The following CTPS1 variants were observed in gnomAD, a reference collection of about 807,000 sequenced individuals.
The protein encoded by CTPS1 is CTP synthase 1.
CTPS1 carries 25 observed loss-of-function variants against 80.5 expected under a neutral mutation model. That is an observed-to-expected ratio of 0.31 (90% CI 0.23 to 0.43). CTPS1 has a LOEUF of 0.43. Ranked by LOEUF, CTPS1 falls within the 20% of genes least tolerant of loss-of-function variation. The pLI is 1.00. For synonymous variants in CTPS1, 267 were observed against 252.5 expected, an observed-to-expected ratio of 1.06 and a Z score of -0.54; for missense variants, 442 against 725.7, an observed-to-expected ratio of 0.61 and a Z score of 4.49.
chr1:41,001,016 G>A lies in CTPS1; in HGVS notation c.1006-13G>A. ...ACGAGCCTGCTTTTCTCCCCTGTCTGAATAACATCCAGTACATAGATTCTG... is the reference window on the plus strand; with the variant it reads ...ACGAGCCTGCTTTTCTCCCCTGTCTAAATAACATCCAGTACATAGATTCTG... On this transcript the variant is annotated splice_polypyrimidine_tract_variant and intron_variant, in intron 9 of 18. Transcript: ENST00000650070. 3.1e-6 allele frequency: 5 copies of A among 1,593,508 alleles called. No homozygotes were observed. The highest frequency in any genetic ancestry group is 3.4e-6 in the Non-Finnish European group (4 of 1,171,378).
chr1:40,987,225 T>A lies in CTPS1; in HGVS notation c.338-147T>A, dbSNP rs950961772. The A allele has an allele frequency of 9.0e-5, 57 of 630,854 alleles. No homozygotes were observed. In the African/African-American group the frequency reaches 9.7e-4, roughly 11 times the overall value. The allele number at this position is 630,854 out of a possible 1,614,324, so 39.1% of individuals were successfully genotyped here. ...AGCTCAGAGATTTGTTGAGGCCAGT[T>A]AAAGGGGGCCTCAAAAGTATTTTTA... On this transcript the variant is annotated intron_variant, in intron 3 of 18. Transcript: ENST00000650070.
chr1:40,983,256 C>T (rs780023479), intron 1 of CTPS1, 22 bp from the exon 2 acceptor site: 3 of 1,599,752 alleles, frequency 1.9e-6, no homozygotes, highest in Non-Finnish European at 2.6e-6. Flanking sequence ...TTTATATCAT[C>T]TGTAATTTTT....
intron 12 of CTPS1, 29 bp from the exon 13 acceptor site, chr1:41,006,021 AT>A (rs1480364846): frequency 1.9e-6 from 3 of 1,580,850 alleles, no homozygotes; most frequent in Non-Finnish European, 2.6e-6. Flanking sequence ...GTTTGTAACT[AT>A]TTTCATAACA....
chr1:40,983,174 C>A, intron 1 of CTPS1, 104 bp from the exon 2 acceptor site: 1 of 925,704 alleles, frequency 1.1e-6, no homozygotes, highest in Non-Finnish European at 1.6e-6. Context: ...ACTGAGGCTT[C>A]AAGAGGGTTC....
chr1:41,010,616 G>A (rs1230776094), intron 18 of CTPS1, among the ~76,000 whole-genome samples: 2 of 152,214 alleles, frequency 1.3e-5, no homozygotes, highest in East Asian at 1.9e-4. Context: ...ATTGTTTGAT[G>A]TAGCTGTAAA....
At chr1:40,999,067 T>G (rs922373454) in intron 9 of CTPS1, among the ~76,000 whole-genome samples, 2 of 152,088 alleles carry the variant, frequency 1.3e-5, no homozygotes, top group African/African-American at 4.8e-5. Context: ...TTGAGTCTCT[T>G]AGGAAGGAAG....
chr1:40,985,069 T>C, intron 3 of CTPS1, 78 bp downstream of exon 3: 1 of 1,004,328 alleles, frequency 1.0e-6, no homozygotes, highest in Admixed American at 3.5e-5. Flanking sequence ...TACACAGATG[T>C]GTAATTCCCT....
chr1:40,985,202 G>T (rs1268102982), intron 3 of CTPS1, among the ~76,000 whole-genome samples: 1 of 152,242 alleles, frequency 6.6e-6, no homozygotes, highest in Non-Finnish European at 1.5e-5. Flanking sequence ...AAAATAATTT[G>T]AAGAACTACT....
intron 12 of CTPS1, among the ~76,000 whole-genome samples, chr1:41,005,298 G>C (rs1350387896): frequency 3.9e-5 from 6 of 151,976 alleles, no homozygotes; most frequent in Non-Finnish European, 5.9e-5. Context: ...TACAAAGTTA[G>C]CTGGGCATGG....
At chr1:40,994,771 A>C (rs1228299199) in intron 7 of CTPS1, among the ~76,000 whole-genome samples, 1 of 152,232 alleles carries the variant, frequency 6.6e-6, no homozygotes, top group Non-Finnish European at 1.5e-5. Flanking sequence ...TTTAAATAGT[A>C]AACATTAATA....
chr1:40,999,611 C>T lies in CTPS1; in HGVS notation c.1006-1418C>T, dbSNP rs147531868. ...CCTTGCTGCCGGGAGTGTAAAATGGCACCACCACACTAGAAAACAGTCTGG... is the reference window on the plus strand; with the variant it reads ...CCTTGCTGCCGGGAGTGTAAAATGGTACCACCACACTAGAAAACAGTCTGG... On this transcript the variant is annotated intron_variant, in intron 9 of 18. Coordinates refer to ENST00000650070, the MANE Select transcript of CTPS1 (RefSeq NM_001905.4). 5.3e-5 allele frequency among the ~76,000 whole-genome samples: 8 copies of T among 152,266 alleles called. No individual in the cohort carries two copies. In the East Asian group the frequency reaches 1.5e-3, roughly 29 times the overall value.
At position 40,995,941 on chromosome 1, in the gene CTPS1, T is replaced by C; in HGVS notation, c.745T>C (p.Ser249Pro). ...EQVICVHDVS[S>P]IYRVPLLLEE... is the part of the protein sequence containing the mutation. ...GGTGATCTGTGTCCACGATGTCTCA[T>C]CCATCTACCGAGTCCCCTTGTTGTT... is the stretch of plus-strand genomic sequence containing the variant. Residue 249 changes from serine (S) to proline (P), a missense_variant, in exon 8 of 19, where the codon TCC becomes CCC. This residue lies in a region of CTPS1 where 321 missense variants were observed against 467.2 expected (regional missense o/e 0.69). Coordinates refer to ENST00000650070, the MANE Select transcript of CTPS1 (RefSeq NM_001905.4). The C allele has an allele frequency of 6.2e-7, 1 of 1,614,212 alleles. No homozygotes were observed. The highest frequency in any genetic ancestry group is 8.5e-7 in the Non-Finnish European group (1 of 1,180,002).
At position 41,007,683 on chromosome 1, in the gene CTPS1, CTT is replaced by C. The variant is rs1491579856; in HGVS notation, c.1393+139_1393+140del. ...GCTTTTGAAGTTCATTCTTTCCTCTCTTATTCATACCCTTTTAGGATGCACTG... is the reference window on the plus strand; with the variant it reads ...GCTTTTGAAGTTCATTCTTTCCTCTCATTCATACCCTTTTAGGATGCACTG... On this transcript the variant is annotated intron_variant, in intron 14 of 18. Coordinates refer to ENST00000650070, the MANE Select transcript of CTPS1 (RefSeq NM_001905.4). This position sits in a 1 kb window ranked among gnomAD's most constrained non-coding sequence, Gnocchi z 4.4. 1.5e-5 allele frequency: 10 copies of C among 671,238 alleles called. No homozygotes were observed. Among genetic ancestry groups the C allele is most frequent in the African/African-American group, 5.4e-5 (3 of 55,650 alleles). 41.6% of individuals were successfully genotyped at this position (671,238 alleles called of 1,614,324 possible). A position where few individuals can be genotyped will look rare whatever the true frequency, so the allele number is the denominator to read the frequency against.
chr1:41,004,452 T>A (rs1642982568), intron 12 of CTPS1, among the ~76,000 whole-genome samples: 1 of 152,180 alleles, frequency 6.6e-6, no homozygotes, highest in Admixed American at 6.5e-5. Flanking sequence ...ACCCCAGAGC[T>A]GGCTTTCTGG....
chr1:40,980,127 C>G (rs1427598978), intron 1 of CTPS1: 1 of 151,318 alleles, frequency 6.6e-6, no homozygotes, highest in East Asian at 1.9e-4. Flanking sequence ...CCTGCGCTGC[C>G]GCGCTGGGCC....
rs986992171 is a variant in CTPS1, at chr1:40,997,313, T to C, written c.873-81T>C. ...TCATCCTGGCCAGACGTGGTTTTTT[T>C]TCCCTTGAAATAGCTATTTTGGTCT... On this transcript the variant is annotated intron_variant, in intron 8 of 18. Coordinates refer to ENST00000650070, the MANE Select transcript of CTPS1 (RefSeq NM_001905.4). 27 of 1,520,828 alleles carry C rather than the reference T, an allele frequency of 1.8e-5. No homozygotes were observed. The East Asian group carries it at 5.8e-4, about 32-fold the overall frequency. The allele number at this position is 1,520,828 out of a possible 1,614,324, so 94.2% of individuals were successfully genotyped here.
Position 40,988,576 on chromosome 1 carries a change from A to T in CTPS1, c.439-18A>T. ...AAGGGTTTAGTGCCTAACCTCTGAA[A>T]CAACTTTGTTCTTCTAGCTTGGTGG... On this transcript the variant is annotated intron_variant, in intron 4 of 18. Transcript: ENST00000650070. 2 of 1,589,488 alleles carry T rather than the reference A, an allele frequency of 1.3e-6. No homozygotes were observed. Among genetic ancestry groups the T allele is most frequent in the Non-Finnish European group, 1.7e-6 (2 of 1,158,050 alleles).
intron 4 of CTPS1, among the ~76,000 whole-genome samples, chr1:40,988,110 C>T (rs748406019): frequency 8.6e-5 from 13 of 151,980 alleles, no homozygotes; most frequent in South Asian, 4.2e-4. Flanking sequence ...GGCAGGGTTT[C>T]GTCATTTTGC....
rs1165966692 is a variant in CTPS1, at chr1:41,008,862, A to G, written c.1518A>G (p.Gly506=). 3.1e-6 allele frequency: 5 copies of G among 1,614,098 alleles called. No individual in the cohort carries two copies. Among genetic ancestry groups the G allele is most frequent in the Non-Finnish European group, 4.2e-6 (5 of 1,179,928 alleles). The part of the protein sequence containing the change: ...GLKFVGQDVE[G]ERMEIVELED... Reference sequence around the variant, plus strand: ...AGTTTGTTGGCCAAGATGTTGAAGGAGAGAGAATGGAAATTGTGGAGTTAG... The same window carrying G: ...AGTTTGTTGGCCAAGATGTTGAAGGGGAGAGAATGGAAATTGTGGAGTTAG... The change falls in exon 16 of 19, where the codon GGA becomes GGG. Residue 506 remains glycine (G), a synonymous_variant. Transcript: ENST00000650070.
Sources: allele counts gnomAD v4.1 joint callset (sites outside exome capture counted in the v4.1 genomes callset), GRCh38; gene constraint gnomAD v4.1.1; regional missense constraint gnomAD v4.1.1; non-coding constraint Gnocchi (gnomAD v3.1); transcripts MANE v1.5; gene names NCBI Gene and HGNC (gene_info 2026-07-23, HGNC 2026-07-21).